Variants in QSOX2 observed in about 807,000 individuals in gnomAD.
The protein encoded by QSOX2 is quiescin sulfhydryl oxidase 2.
In QSOX2, 46 loss-of-function variants were observed where a neutral mutation model predicts 61.7. The observed-to-expected ratio is 0.75, with a 90% confidence interval of 0.59 to 0.95. QSOX2 has a LOEUF of 0.95. Among genes scored for constraint, QSOX2 ranks in the 40% least tolerant of loss-of-function variants. QSOX2 has a pLI of 0.00. For missense variants in QSOX2, 879 were observed against 918.9 expected (o/e 0.96, Z 0.56); for synonymous variants, 383 against 388.4 (o/e 0.99, Z 0.16).
In QSOX2 at chr9:136,209,911, T is replaced by C. The variant is rs181823403; in HGVS notation, c.1550-636A>G. 1.1e-5 allele frequency: 11 copies of C among 985,398 alleles called. 1 individual carries two copies. Among genetic ancestry groups the C allele is most frequent in the African/African-American group, 7.0e-5 (4 of 57,368 alleles). The allele number at this position is 985,398 out of a possible 1,614,324, so 61.0% of individuals were successfully genotyped here. A position where few individuals can be genotyped will look rare whatever the true frequency, so the allele number is the denominator to read the frequency against. On this transcript the variant is annotated intron_variant, in intron 11 of 11. Transcript: ENST00000358701. The surrounding 1 kb of genome is among the most constrained non-coding windows in gnomAD (Gnocchi z 5.6). The stretch of plus-strand genomic sequence containing the variant: ...TTCCAGGCCCAACAGGCATCCGTCA[T>C]GCAGAAGCTGCGGCGCACGGCGCCT...
chr9:136,210,387 C>T, intron 11 of QSOX2: 1 of 985,450 alleles, frequency 1.0e-6, no homozygotes. Context: ...CACATGCGGG[C>T]TGGGGCCACA....
At position 136,245,443 on chromosome 9, in the gene QSOX2, G is replaced by A. The variant is rs1414767228; in HGVS notation, c.328+33C>T. Reference sequence around the variant, plus strand: ...GTCCCGGAAGGCCGCGGTCCCGGGGGTCGGGGGGTCCCCGCGCGGGGGCGC... The same window carrying A: ...GTCCCGGAAGGCCGCGGTCCCGGGGATCGGGGGGTCCCCGCGCGGGGGCGC... On this transcript the variant is annotated intron_variant, in intron 1 of 11. Transcript: ENST00000358701. The A allele has an allele frequency of 9.0e-6, 14 of 1,556,530 alleles. No homozygotes were observed. In the Admixed American group the frequency reaches 2.2e-4, roughly 24 times the overall value.
chr9:136,244,725 G>A (rs1830456727), intron 1 of QSOX2, among the ~76,000 whole-genome samples: 1 of 152,192 alleles, frequency 6.6e-6, no homozygotes, highest in South Asian at 2.1e-4. Context: ...AACAACGTGC[G>A]ACCAGATGAA....
chr9:136,211,362 T>A lies in QSOX2; in HGVS notation c.1451A>T (p.Glu484Val), dbSNP rs764476276. 6 of 1,614,116 alleles carry A rather than the reference T, an allele frequency of 3.7e-6. No individual in the cohort carries two copies. Among genetic ancestry groups the A allele is most frequent in the Non-Finnish European group, 4.2e-6 (5 of 1,180,044 alleles). The change falls in exon 11 of 12, where the codon GAG becomes GTG. Residue 484 changes from glutamate (E) to valine (V), a missense_variant. Transcript: ENST00000358701. The stretch of plus-strand genomic sequence containing the variant: ...GTCCATGGATTCTTTAGCCATTTCC[T>A]CAAAGTGCTCACCACATTCCTTACA... ...FGCKECGEHF[E>V]EMAKESMDSV...
Position 136,209,247 on chromosome 9 carries a change from T to G in QSOX2, c.1578A>C (p.Pro526=), listed in dbSNP as rs2131047172. ...AGHLSEDPRF[P]KLQWPTPDLC... is the part of the protein sequence containing the mutation. ...GGTCCGGAGTGGGCCACTGAAGCTT[T>G]GGAAACCGGGGATCCTCACTCAGAT... The change falls in exon 12 of 12, where the codon CCA becomes CCC. Residue 526 remains proline (P), a synonymous_variant. Coordinates refer to ENST00000358701, the MANE Select transcript of QSOX2 (RefSeq NM_181701.4). The surrounding 1 kb of genome is among the most constrained non-coding windows in gnomAD (Gnocchi z 5.6). 6.2e-7 allele frequency: 1 copy of G among 1,613,218 alleles called. No individual in the cohort carries two copies. The highest frequency in any genetic ancestry group is 1.3e-5 in the African/African-American group (1 of 75,010).
At chr9:136,227,787 C>A (rs963555097) in intron 1 of QSOX2, among the ~76,000 whole-genome samples, 2 of 151,942 alleles carry the variant, frequency 1.3e-5, no homozygotes, top group Non-Finnish European at 2.9e-5. Flanking sequence ...CCAGCCTGGG[C>A]AACATGGTAA....
At chr9:136,242,468 A>C (rs960767917) in intron 1 of QSOX2, among the ~76,000 whole-genome samples, 1 of 152,260 alleles carries the variant, frequency 6.6e-6, no homozygotes, top group African/African-American at 2.4e-5. Context: ...GTGTGCCCCC[A>C]GGGGATCAGC....
chr9:136,218,361 A>T (rs112861108), intron 8 of QSOX2, among the ~76,000 whole-genome samples: 2 of 151,938 alleles, frequency 1.3e-5, no homozygotes, highest in African/African-American at 4.8e-5. Context: ...GAGCCAGCTG[A>T]GGTGTGTGTG....
At chr9:136,212,946 G>A (rs536899386) in intron 10 of QSOX2, among the ~76,000 whole-genome samples, 100 of 152,326 alleles carry the variant, frequency 6.6e-4, no homozygotes, top group South Asian at 5.8e-3. Flanking sequence ...CGGAAGGAGC[G>A]CTGAGGGTCT....
At chr9:136,219,213 C>A in intron 6 of QSOX2, 49 bp from the exon 7 acceptor site, 1 of 1,586,504 alleles carries the variant, frequency 6.3e-7, no homozygotes, top group Middle Eastern at 1.7e-4. Context: ...TTTATAAAAT[C>A]CTAAAGTAGG....
chr9:136,238,743 T>C (rs1830411473), intron 1 of QSOX2, among the ~76,000 whole-genome samples: 1 of 152,240 alleles, frequency 6.6e-6, no homozygotes, highest in Non-Finnish European at 1.5e-5. Context: ...TTAAAATTGT[T>C]CTTTGGCATT....
rs1291512232 is a variant in QSOX2, at chr9:136,219,018, AG to A, written c.956+11del. The A allele has an allele frequency of 1.2e-6, 2 of 1,613,708 alleles. No individual in the cohort carries two copies. The highest frequency in any genetic ancestry group is 1.7e-6 in the Non-Finnish European group (2 of 1,179,876). ...CTGTCTCCGGGGGCTTCAGTTCAAGAGGAACACTTGCTTGTCAAATTCTCTC... is the reference window on the plus strand; with the variant it reads ...CTGTCTCCGGGGGCTTCAGTTCAAGAGAACACTTGCTTGTCAAATTCTCTC... On this transcript the variant is annotated intron_variant, in intron 7 of 11. Coordinates refer to ENST00000358701, the MANE Select transcript of QSOX2 (RefSeq NM_181701.4).
Position 136,223,404 on chromosome 9 carries a change from C to T in QSOX2, c.675+359G>A, listed in dbSNP as rs1017797494. On this transcript the variant is annotated intron_variant, in intron 5 of 11. Transcript: ENST00000358701. This position sits in a 1 kb window ranked among gnomAD's most constrained non-coding sequence, Gnocchi z 4.4. ...GCAAAAATGTTGAGAGTTCAGAATACGGCAACGAAAAAAATCTTAGTAATA... is the reference window on the plus strand; with the variant it reads ...GCAAAAATGTTGAGAGTTCAGAATATGGCAACGAAAAAAATCTTAGTAATA... 2.6e-5 allele frequency among the ~76,000 whole-genome samples: 4 copies of T among 152,010 alleles called. No homozygotes were observed. The highest frequency in any genetic ancestry group is 4.8e-5 in the African/African-American group (2 of 41,386).
At chr9:136,210,953 A>C (rs1034914270) in intron 11 of QSOX2, 4 of 959,522 alleles carry the variant, frequency 4.2e-6, no homozygotes, top group Admixed American at 1.2e-4. Context: ...CAGAGTCAAA[A>C]ACATCTTCAG....
At position 136,218,771 on chromosome 9, in the gene QSOX2, G is replaced by A; in HGVS notation, c.994C>T (p.His332Tyr). ...LYTVDLESGL[H>Y]YLLRVELAAH... ...GCCAGCTCCACCCGCAGGAGGTAGT[G>A]TAGCCCTGACTCCAGGTCCACCGTG... The change falls in exon 8 of 12, where the codon CAC becomes TAC. Residue 332 changes from histidine (H) to tyrosine (Y), a missense_variant. By Grantham distance (83) the His-to-Tyr change is moderately conservative. Transcript: ENST00000358701. 1.2e-6 allele frequency: 2 copies of A among 1,613,620 alleles called. No homozygotes were observed. The highest frequency in any genetic ancestry group is 1.7e-6 in the Non-Finnish European group (2 of 1,180,030).
At chr9:136,243,956 G>C (rs1451394066) in intron 1 of QSOX2, among the ~76,000 whole-genome samples, 1 of 152,074 alleles carries the variant, frequency 6.6e-6, no homozygotes. Context: ...CCTTCCTTCT[G>C]AGCTCCAGGG....
At chr9:136,218,638 C>T in intron 8 of QSOX2, 41 bp downstream of exon 8, 1 of 1,598,808 alleles carries the variant, frequency 6.3e-7, no homozygotes, top group Non-Finnish European at 8.5e-7. Flanking sequence ...CTGTGCAGAG[C>T]CAAATTCCCA....
chr9:136,237,698 C>T (rs113408184), intron 1 of QSOX2, among the ~76,000 whole-genome samples: 2,813 of 148,754 alleles, frequency 0.019, 68 homozygotes, highest in African/African-American at 0.067. Flanking sequence ...TCCTGTGCCA[C>T]ACCTGGAGCC....
intron 9 of QSOX2, among the ~76,000 whole-genome samples, chr9:136,216,033 C>A (rs11103387): frequency 3.3e-5 from 5 of 152,110 alleles, no homozygotes; most frequent in Admixed American, 3.3e-4. Flanking sequence ...GTGCACCTTA[C>A]AGGATTCCCA....
Sources: allele counts gnomAD v4.1 joint callset (sites outside exome capture counted in the v4.1 genomes callset), GRCh38; gene constraint gnomAD v4.1.1; non-coding constraint Gnocchi (gnomAD v3.1); transcripts MANE v1.5; gene names NCBI Gene and HGNC (gene_info 2026-07-23, HGNC 2026-07-21).